The following MAP2K1 variants were observed in gnomAD, a reference collection of about 807,000 sequenced individuals.
MAP2K1 encodes the protein mitogen-activated protein kinase kinase 1, also known as dual specificity mitogen-activated protein kinase kinase 1.
MAP2K1 carries 16 observed loss-of-function variants against 46.3 expected under a neutral mutation model. That is an observed-to-expected ratio of 0.35 (90% CI 0.23 to 0.52). The LOEUF (loss-of-function observed/expected upper bound fraction) is 0.52. Among genes scored for constraint, MAP2K1 ranks in the 20% least tolerant of loss-of-function variants. The pLI, the probability that MAP2K1 is intolerant of heterozygous loss-of-function variation, is 0.94. For synonymous variants in MAP2K1, 183 were observed against 185.6 expected (o/e 0.99, Z 0.11); for missense variants, 263 against 497.1 (o/e 0.53, Z 4.48).
At chr15:66,398,890 C>T (rs1420772184) in intron 1 of MAP2K1, among the ~76,000 whole-genome samples, 1 of 151,680 alleles carries the variant, frequency 6.6e-6, no homozygotes, top group Non-Finnish European at 1.5e-5. Context: ...TCTTGTGGCT[C>T]AGCCTCGAAG....
At chr15:66,398,876 T>G (rs1019586162) in intron 1 of MAP2K1, among the ~76,000 whole-genome samples, 1 of 151,604 alleles carries the variant, frequency 6.6e-6, no homozygotes, top group African/African-American at 2.4e-5. Context: ...CGGGTTCAAG[T>G]GATTCTTGTG....
At chr15:66,395,906 C>CT (rs1313187583) in intron 1 of MAP2K1, among the ~76,000 whole-genome samples, 1 of 152,072 alleles carries the variant, frequency 6.6e-6, no homozygotes, top group Non-Finnish European at 1.5e-5. Flanking sequence ...TGCCACTACA[C>CT]TTTAACTTCT....
intron 5 of MAP2K1, among the ~76,000 whole-genome samples, chr15:66,462,911 C>G (rs1892364557): frequency 6.6e-6 from 1 of 152,202 alleles, no homozygotes; most frequent in Non-Finnish European, 1.5e-5. Flanking sequence ...AGACAGGGAC[C>G]AGAAAGCCAC....
chr15:66,444,013 A>T (rs1252046351), intron 4 of MAP2K1, among the ~76,000 whole-genome samples: 1 of 151,876 alleles, frequency 6.6e-6, no homozygotes, highest in Non-Finnish European at 1.5e-5. Flanking sequence ...GGAGGCGGGC[A>T]GATCACCTGA....
At chr15:66,398,843 G>A (rs565796137) in intron 1 of MAP2K1, among the ~76,000 whole-genome samples, 13 of 151,052 alleles carry the variant, frequency 8.6e-5, no homozygotes, top group East Asian at 3.9e-4. Flanking sequence ...GTGCGATCTC[G>A]GCTCACTGCA....
chr15:66,472,459 A>C (rs1417369705), intron 5 of MAP2K1, among the ~76,000 whole-genome samples: 2 of 152,184 alleles, frequency 1.3e-5, no homozygotes, highest in Non-Finnish European at 2.9e-5. Flanking sequence ...TCAATTAGAA[A>C]GTTCTGAGTG....
chr15:66,429,876 A>G (rs2093470601), intron 1 of MAP2K1, among the ~76,000 whole-genome samples: 1 of 151,832 alleles, frequency 6.6e-6, no homozygotes, highest in African/African-American at 2.4e-5. Context: ...TTTTGTTCTC[A>G]TATTGCCCCC....
intron 1 of MAP2K1, among the ~76,000 whole-genome samples, chr15:66,395,461 A>G (rs1595836574): frequency 7.0e-6 from 1 of 141,918 alleles, no homozygotes; most frequent in Non-Finnish European, 1.5e-5. Flanking sequence ...CACTTTCTTT[A>G]CTCTCCTCAC....
At chr15:66,410,187 A>G (rs1041302968) in intron 1 of MAP2K1, among the ~76,000 whole-genome samples, 2 of 152,208 alleles carry the variant, frequency 1.3e-5, no homozygotes, top group African/African-American at 4.8e-5. Context: ...CTGTCTTACA[A>G]CTAGGGGAGA....
intron 6 of MAP2K1, 37 bp downstream of exon 6, chr15:66,481,916 A>G (rs2140668617): frequency 3.1e-6 from 5 of 1,606,934 alleles, no homozygotes; most frequent in Non-Finnish European, 4.3e-6. Flanking sequence ...AGCTTCTTGT[A>G]CGGTCAGGGA....
At chr15:66,392,661 C>T (rs915464933) in intron 1 of MAP2K1, among the ~76,000 whole-genome samples, 2 of 149,656 alleles carry the variant, frequency 1.3e-5, no homozygotes, top group Non-Finnish European at 3.0e-5. Flanking sequence ...TCAAGCTATT[C>T]TCCTGCCTCA....
At chr15:66,464,183 C>G (rs892351064) in intron 5 of MAP2K1, among the ~76,000 whole-genome samples, 1 of 152,144 alleles carries the variant, frequency 6.6e-6, no homozygotes, top group Non-Finnish European at 1.5e-5. Flanking sequence ...GGATCTCTCG[C>G]GGCTAGGACA....
chr15:66,399,125 C>A (rs2093375474), intron 1 of MAP2K1, among the ~76,000 whole-genome samples: 1 of 152,106 alleles, frequency 6.6e-6, no homozygotes, highest in South Asian at 2.1e-4. Context: ...TAGGAGAATT[C>A]ATATTCATAC....
chr15:66,413,367 G>A (rs1227160953), intron 1 of MAP2K1, among the ~76,000 whole-genome samples: 1 of 152,164 alleles, frequency 6.6e-6, no homozygotes, highest in Non-Finnish European at 1.5e-5. Context: ...ATTGGAACAA[G>A]CATTAAAGCA....
intron 6 of MAP2K1, 38 bp from the exon 7 acceptor site, chr15:66,484,952 T>G (rs2140673388): frequency 1.9e-6 from 3 of 1,555,450 alleles, no homozygotes; most frequent in Non-Finnish European, 2.7e-6. Context: ...GGGGTCCAAG[T>G]TAGGTTAGGT....
At chr15:66,481,511 A>G (rs1892915095) in intron 5 of MAP2K1, among the ~76,000 whole-genome samples, 2 of 152,178 alleles carry the variant, frequency 1.3e-5, no homozygotes, top group South Asian at 2.1e-4. Flanking sequence ...GAGAGTGGAA[A>G]TCGACTGTCT....
At chr15:66,390,840 A>C (rs1410732573) in intron 1 of MAP2K1, among the ~76,000 whole-genome samples, 1 of 151,486 alleles carries the variant, frequency 6.6e-6, no homozygotes, top group African/African-American at 2.4e-5. Context: ...CCTTTCTTCC[A>C]CCACACTAGT....
At chr15:66,487,329 C>T in intron 8 of MAP2K1, 37 bp downstream of exon 8, 1 of 1,596,716 alleles carries the variant, frequency 6.3e-7, no homozygotes, top group Non-Finnish European at 8.6e-7. Flanking sequence ...TTGGAATTTA[C>T]TTGCTCATCT....
At chr15:66,462,673 C>T (rs1324257076) in intron 5 of MAP2K1, among the ~76,000 whole-genome samples, 1 of 151,772 alleles carries the variant, frequency 6.6e-6, no homozygotes, top group Non-Finnish European at 1.5e-5. Context: ...TGATAAAAAA[C>T]CTCAAGGGTT....
Sources: gnomAD v4.1 joint callset for allele counts (sites outside exome capture counted in the v4.1 genomes callset) on GRCh38, gnomAD v4.1.1 for gene constraint, MANE v1.5 for transcripts, NCBI Gene and HGNC (gene_info 2026-07-23, HGNC 2026-07-21) for gene names.